RCSD1: variants seen among roughly 807,000 people sequenced by gnomAD.
The protein encoded by RCSD1 is capZ-interacting protein.
In RCSD1, 26 loss-of-function variants were observed where a neutral mutation model predicts 42.5. The observed-to-expected ratio is 0.61, with a 90% CI of 0.45 to 0.85. RCSD1 has a LOEUF of 0.85. Ranked by LOEUF, RCSD1 falls within the 40% of genes least tolerant of loss-of-function variation. The pLI, the probability that RCSD1 is intolerant of heterozygous loss-of-function variation, is 0.00. For synonymous variants in RCSD1, 220 were observed against 212.2 expected, an observed-to-expected ratio of 1.04 and a Z score of -0.32; for missense variants, 571 against 528.3, an observed-to-expected ratio of 1.08 and a Z score of -0.79.
At chr1:167,637,736 A>T (rs1423709594) in intron 1 of RCSD1, among the ~76,000 whole-genome samples, 2 of 144,232 alleles carry the variant, frequency 1.4e-5, no homozygotes, top group African/African-American at 4.9e-5. Flanking sequence ...TAGACCACAC[A>T]CACACACACA....
intron 4 of RCSD1, among the ~76,000 whole-genome samples, 153 bp from the exon 5 acceptor site, chr1:167,693,946 G>T (rs1013807393): frequency 6.6e-6 from 1 of 151,780 alleles, no homozygotes; most frequent in Non-Finnish European, 1.5e-5. Flanking sequence ...AGCAGGCCAT[G>T]ATGGGACAGT....
At chr1:167,647,138 A>AAAAAAAAAAG (rs1173854956) in intron 1 of RCSD1, among the ~76,000 whole-genome samples, 8 of 151,212 alleles carry the variant, frequency 5.3e-5, no homozygotes, top group East Asian at 3.9e-4. Context: ...CTCAAAAAAA[A>AAAAAAAAAAG]AGAGAGAGAG....
At chr1:167,692,332 A>G (rs1558091885) in intron 4 of RCSD1, among the ~76,000 whole-genome samples, 2 of 152,108 alleles carry the variant, frequency 1.3e-5, no homozygotes, top group South Asian at 4.1e-4. Flanking sequence ...TGCTATCAAC[A>G]TCCATTTTAT....
Position 167,707,748 on chromosome 1 carries a change from C to A in RCSD1, c.*3052C>A, listed in dbSNP as rs1659792085. Among the ~76,000 whole-genome samples the A allele has an allele frequency of 6.6e-6, 1 of 152,138 alleles. No individual in the cohort carries two copies. The highest frequency in any genetic ancestry group is 2.4e-5 in the African/African-American group (1 of 41,428). ...GTGGCACAATCACAGTTCACTGCAACCTCTGCCTCCTGCATTCAAGCGATT... is the reference window on the plus strand; with the variant it reads ...GTGGCACAATCACAGTTCACTGCAAACTCTGCCTCCTGCATTCAAGCGATT... On this transcript the variant is annotated 3_prime_UTR_variant, in exon 7 of 7. Transcript: ENST00000367854.
At chr1:167,697,896 C>A in intron 6 of RCSD1, 54 bp downstream of exon 6, 1 of 1,439,358 alleles carries the variant, frequency 6.9e-7, no homozygotes, top group Middle Eastern at 2.4e-4. Context: ...CCAGTGTGTG[C>A]CTCTGTCACA....
intron 1 of RCSD1, among the ~76,000 whole-genome samples, chr1:167,675,639 C>T (rs59377727): frequency 0.032 from 4,886 of 152,180 alleles, 264 homozygotes; most frequent in African/African-American, 0.11. Flanking sequence ...TGTGAGTATT[C>T]AAAACCCTTG....
rs932310611 is a variant in RCSD1 at position 167,662,955 on chromosome 1, G to A, written c.7-20945G>A. 3.9e-5 allele frequency among the ~76,000 whole-genome samples: 6 copies of A among 152,194 alleles called. No individual in the cohort carries two copies. In the South Asian group the frequency reaches 1.0e-3, roughly 26 times the overall value. On this transcript the variant is annotated intron_variant, in intron 1 of 6. Coordinates refer to ENST00000367854, the MANE Select transcript of RCSD1 (RefSeq NM_052862.4). Reference sequence around the variant, plus strand: ...TTTCTTCTTACGTTATGTTAAAAATGAAGAGCAAGCCAGCAGCGTGGGTCT... The same window carrying A: ...TTTCTTCTTACGTTATGTTAAAAATAAAGAGCAAGCCAGCAGCGTGGGTCT...
intron 3 of RCSD1, among the ~76,000 whole-genome samples, chr1:167,689,533 A>AT (rs1659323920): frequency 1.3e-5 from 2 of 152,128 alleles, no homozygotes; most frequent in African/African-American, 4.8e-5. Context: ...AATATTCAAC[A>AT]TTTTGGAAAA....
At position 167,705,287 on chromosome 1, in the gene RCSD1, C is replaced by T. The variant is rs1659731168; in HGVS notation, c.*591C>T. The T allele has an allele frequency of 6.6e-6, 1 of 152,186 alleles. No homozygotes were observed. Among genetic ancestry groups the T allele is most frequent in the Non-Finnish European group, 1.5e-5 (1 of 68,056 alleles). The allele number at this position is 152,186 out of a possible 1,614,324, so 9.4% of individuals were successfully genotyped here. A position where few individuals can be genotyped will look rare whatever the true frequency, so the allele number is the denominator to read the frequency against. ...TTGATCCAAATTTGAACTGGCCAAC[C>T]AGTCTTTAAAACACTGGACTAGAAG... On this transcript the variant is annotated 3_prime_UTR_variant, in exon 7 of 7. Transcript: ENST00000367854.
intron 1 of RCSD1, among the ~76,000 whole-genome samples, chr1:167,671,934 T>C (rs1301688653): frequency 6.6e-6 from 1 of 152,214 alleles, no homozygotes; most frequent in Non-Finnish European, 1.5e-5. Context: ...TGACCAGCTC[T>C]GCTTACCCTT....
intron 1 of RCSD1, among the ~76,000 whole-genome samples, chr1:167,681,414 G>A (rs73033850): frequency 0.024 from 3,587 of 152,202 alleles, 147 homozygotes; most frequent in African/African-American, 0.081. Flanking sequence ...GCCAAGCTTC[G>A]ACAAGCTCTG....
At chr1:167,661,659 T>C (rs986581556) in intron 1 of RCSD1, among the ~76,000 whole-genome samples, 1 of 152,206 alleles carries the variant, frequency 6.6e-6, no homozygotes, top group African/African-American at 2.4e-5. Context: ...GGTGGTGGGA[T>C]AAAGTACTGC....
chr1:167,652,708 G>A (rs567776868), intron 1 of RCSD1, among the ~76,000 whole-genome samples: 2 of 152,022 alleles, frequency 1.3e-5, no homozygotes, highest in African/African-American at 4.8e-5. Context: ...ACAAAGCATG[G>A]GGGATTTTTT....
rs192322709 is a variant in RCSD1, at chr1:167,653,829, A to G, written c.6+23400A>G. Among the ~76,000 whole-genome samples, 12 of 152,324 alleles carry G rather than the reference A, an allele frequency of 7.9e-5. 1 individual carries two copies. In the East Asian group the frequency reaches 2.1e-3, roughly 27 times the overall value. On this transcript the variant is annotated intron_variant, in intron 1 of 6. Transcript: ENST00000367854. The stretch of plus-strand genomic sequence containing the variant: ...ATGAAGAAGAACTGTCCAGGTGAAG[A>G]GAATAAGGATCAAGGCATTTGAGGT...
intron 1 of RCSD1, among the ~76,000 whole-genome samples, chr1:167,632,101 C>G (rs185543902): frequency 5.3e-4 from 81 of 152,368 alleles, no homozygotes; most frequent in Admixed American, 1.7e-3. Flanking sequence ...AAAGATCACA[C>G]AAACACAAAA....
At chr1:167,639,545 C>T (rs1448612235) in intron 1 of RCSD1, among the ~76,000 whole-genome samples, 8 of 151,754 alleles carry the variant, frequency 5.3e-5, no homozygotes, top group South Asian at 2.1e-4. Flanking sequence ...CAGGCTGGAG[C>T]GCAATGGTGC....
chr1:167,663,872 C>T (rs1001227827), intron 1 of RCSD1: 1 of 152,206 alleles, frequency 6.6e-6, no homozygotes, highest in African/African-American at 2.4e-5. Flanking sequence ...ATGTGCCAGG[C>T]ACTGTGCTGG....
At chr1:167,643,803 G>A (rs898184588) in intron 1 of RCSD1, among the ~76,000 whole-genome samples, 1 of 152,220 alleles carries the variant, frequency 6.6e-6, no homozygotes, top group African/African-American at 2.4e-5. Context: ...TTAGTGCGTT[G>A]CACATATTAG....
intron 5 of RCSD1, among the ~76,000 whole-genome samples, chr1:167,696,455 CT>C (rs113725864): frequency 0.018 from 2,552 of 140,160 alleles, 24 homozygotes; most frequent in African/African-American, 0.041. Context: ...TAGACAATTT[CT>C]TTTTTTTTTT....
Sources: allele counts gnomAD v4.1 joint callset (sites outside exome capture counted in the v4.1 genomes callset), GRCh38; gene constraint gnomAD v4.1.1; transcripts MANE v1.5; gene names NCBI Gene and HGNC (gene_info 2026-07-23, HGNC 2026-07-21).